DMD: variants seen among roughly 807,000 people sequenced by gnomAD.
DMD encodes mutant dystrophin.
A neutral mutation model predicts 330.1 loss-of-function variants in DMD; 63 were observed. The ratio of observed to expected loss-of-function variants is 0.19; its 90% confidence interval spans 0.16 to 0.24. The LOEUF is 0.24. DMD is among the 10% of genes least tolerant of loss of function. The pLI, the probability that DMD is intolerant of heterozygous loss-of-function variation, is 1.00. For synonymous variants in DMD, 1,223 were observed against 959.8 expected, an observed-to-expected ratio of 1.27 and a Z score of -5.07; for missense variants, 3,344 against 2,684.1, an observed-to-expected ratio of 1.25 and a Z score of -5.43.
chrX:32,574,960 C>T (rs1459292491), intron 13 of DMD, among the ~76,000 whole-genome samples: 1 of 108,864 alleles, frequency 9.2e-6, no homozygotes, highest in African/African-American at 3.4e-5. Context: ...TGCAATGGCA[C>T]TATCTCAGCT....
At chrX:32,574,158 G>T (rs973113239) in intron 13 of DMD, among the ~76,000 whole-genome samples, 1 of 111,577 alleles carries the variant, frequency 9.0e-6, no homozygotes, top group Non-Finnish European at 1.9e-5. Context: ...GGATTTTGCA[G>T]TGAGAACAAG....
intron 62 of DMD, among the ~76,000 whole-genome samples, chrX:31,284,531 T>A (rs1455461069): frequency 9.5e-6 from 1 of 104,982 alleles, no homozygotes; most frequent in African/African-American, 3.4e-5. Flanking sequence ...ACAAACTCCT[T>A]CTTTAAGAAC....
At chrX:31,126,946 T>C (rs1252809015) in intron 77 of DMD, among the ~76,000 whole-genome samples, 2 of 111,407 alleles carry the variant, frequency 1.8e-5, no homozygotes, top group African/African-American at 6.5e-5. Flanking sequence ...GTTCACGCAT[T>C]AAACTGGATG....
chrX:31,372,909 T>C (rs2059671270), intron 60 of DMD, among the ~76,000 whole-genome samples: 1 of 111,723 alleles, frequency 9.0e-6, no homozygotes, highest in South Asian at 3.8e-4. Flanking sequence ...GACATGATTG[T>C]ATATCTAGAA....
intron 9 of DMD, among the ~76,000 whole-genome samples, chrX:32,665,020 G>A (rs1423375617): frequency 2.7e-5 from 3 of 111,970 alleles, no homozygotes; most frequent in African/African-American, 9.8e-5. Context: ...GAAAGTAAAT[G>A]CATGTCTCAA....
intron 77 of DMD, among the ~76,000 whole-genome samples, chrX:31,128,144 T>A (rs998707483): frequency 3.6e-5 from 4 of 111,679 alleles, no homozygotes; most frequent in Non-Finnish European, 3.8e-5. Flanking sequence ...CCCCTTCTTT[T>A]TGATTCCTTT....
rs191948718 is a variant in DMD at position 32,065,563 on chromosome X, C to T, written c.6439-97049G>A. Among the ~76,000 whole-genome samples, 96 of 111,861 alleles carry T rather than the reference C, an allele frequency of 8.6e-4. 2 individuals are homozygous for T. The Admixed American group carries it at 8.9e-3, about 10-fold the overall frequency. On this transcript the variant is annotated intron_variant, in intron 44 of 78. Transcript: ENST00000357033. ...CAACATATCCTGTATTTGAAAGTGA[C>T]ATTTAACTTAATAACACAGACATTG...
At chrX:31,253,572 G>A (rs1330560041) in intron 63 of DMD, among the ~76,000 whole-genome samples, 5 of 111,911 alleles carry the variant, frequency 4.5e-5, no homozygotes, top group Non-Finnish European at 9.4e-5. Flanking sequence ...TCTTGGGCAA[G>A]CTGAGGAAAG....
intron 15 of DMD, 132 bp from the exon 16 acceptor site, chrX:32,566,013 C>T (rs1261200398): frequency 3.5e-6 from 2 of 564,758 alleles, no homozygotes; most frequent in East Asian, 7.2e-5. Context: ...CGCAAAGGAT[C>T]AAAAGTTCAG....
intron 7 of DMD, among the ~76,000 whole-genome samples, chrX:32,765,525 A>G (rs1374834523): frequency 9.0e-6 from 1 of 111,088 alleles, no homozygotes; most frequent in Non-Finnish European, 1.9e-5. Flanking sequence ...TTTTCTTTAT[A>G]ATTTACCCAG....
At chrX:32,265,159 T>C (rs2097339114) in intron 43 of DMD, among the ~76,000 whole-genome samples, 1 of 111,845 alleles carries the variant, frequency 8.9e-6, no homozygotes, top group Non-Finnish European at 1.9e-5. Context: ...AATGGTTTCC[T>C]GGGCCGGGCC....
chrX:33,024,080 C>G (rs909938930), intron 1 of DMD, among the ~76,000 whole-genome samples: 6 of 111,614 alleles, frequency 5.4e-5, no homozygotes, highest in East Asian at 5.6e-4. Context: ...CCTAAAGCCA[C>G]CATACATACA....
intron 60 of DMD, among the ~76,000 whole-genome samples, chrX:31,380,056 T>C (rs1335257671): frequency 1.8e-5 from 2 of 110,712 alleles, no homozygotes; most frequent in African/African-American, 3.3e-5. Context: ...GGAGGGTAAG[T>C]CCGTCCCCTT....
At chrX:31,592,524 A>T (rs867649534) in intron 55 of DMD, among the ~76,000 whole-genome samples, 4 of 95,376 alleles carry the variant, frequency 4.2e-5, no homozygotes, top group East Asian at 2.9e-4. Flanking sequence ...AAAGTGTCTC[A>T]CACACACACA....
intron 62 of DMD, among the ~76,000 whole-genome samples, chrX:31,262,322 G>A (rs774190030): frequency 1.8e-5 from 2 of 112,051 alleles, no homozygotes; most frequent in East Asian, 5.6e-4. Context: ...TCAAGGCGAA[G>A]AAAGACCCTT....
intron 1 of DMD, among the ~76,000 whole-genome samples, chrX:33,124,802 C>T (rs1181334270): frequency 9.2e-6 from 1 of 109,187 alleles, no homozygotes; most frequent in Admixed American, 9.9e-5. Flanking sequence ...AGGCAGGTGG[C>T]TCACCTGAGG....
intron 57 of DMD, among the ~76,000 whole-genome samples, chrX:31,485,187 TTTTA>T (rs759598829): frequency 2.2e-4 from 25 of 111,951 alleles, no homozygotes; most frequent in South Asian, 7.3e-4. Flanking sequence ...TTATTATTAT[TTTTA>T]TTTATTTATT....
intron 63 of DMD, among the ~76,000 whole-genome samples, chrX:31,256,785 T>C (rs2147578268): frequency 9.1e-6 from 1 of 109,503 alleles, no homozygotes; most frequent in South Asian, 4.0e-4. Flanking sequence ...TACTGCTGCT[T>C]TTCTGTCATA....
intron 37 of DMD, among the ~76,000 whole-genome samples, chrX:32,350,376 A>T (rs1370663803): frequency 1.8e-5 from 2 of 111,389 alleles, no homozygotes; most frequent in Non-Finnish European, 3.8e-5. Flanking sequence ...CATTCCTAGT[A>T]TGGAGCACAT....
Sources: allele counts gnomAD v4.1 joint callset (sites outside exome capture counted in the v4.1 genomes callset), GRCh38; gene constraint gnomAD v4.1.1; transcripts MANE v1.5; gene names NCBI Gene and HGNC (gene_info 2026-07-23, HGNC 2026-07-21).